The following CACNA2D2 variants were observed in gnomAD, a reference collection of about 807,000 sequenced individuals.
The protein encoded by CACNA2D2 is voltage-dependent calcium channel subunit alpha-2/delta-2.
In CACNA2D2, 48 loss-of-function variants were observed where a neutral mutation model predicts 166.4. The observed-to-expected ratio is 0.29, with a 90% CI of 0.23 to 0.37. CACNA2D2 has a LOEUF of 0.37. CACNA2D2 is among the 10% of genes least tolerant of loss of function. The pLI, the probability that CACNA2D2 is intolerant of heterozygous loss-of-function variation, is 1.00. For synonymous variants in CACNA2D2, 561 were observed against 573.7 expected, an observed-to-expected ratio of 0.98 and a Z score of 0.32; for missense variants, 1,122 against 1,433.0, an observed-to-expected ratio of 0.78 and a Z score of 3.50.
intron 2 of CACNA2D2, among the ~76,000 whole-genome samples, chr3:50,449,238 C>A (rs893357455): frequency 6.6e-6 from 1 of 152,200 alleles, no homozygotes; most frequent in African/African-American, 2.4e-5. Flanking sequence ...CAGCCCCCCA[C>A]CCCTGTGATC....
chr3:50,367,179 C>T lies in CACNA2D2; in HGVS notation c.2402-70G>A, dbSNP rs974275789. 1.2e-5 allele frequency: 15 copies of T among 1,231,032 alleles called. No homozygotes were observed. In the African/African-American group the frequency reaches 1.5e-4, roughly 12 times the overall value. 76.3% of individuals were successfully genotyped at this position (1,231,032 alleles called of 1,614,324 possible). A position where few individuals can be genotyped will look rare whatever the true frequency, so the allele number is the denominator to read the frequency against. On this transcript the variant is annotated intron_variant, in intron 27 of 37. Coordinates refer to ENST00000424201, the MANE Select transcript of CACNA2D2 (RefSeq NM_006030.4). This position sits in a 1 kb window ranked among gnomAD's most constrained non-coding sequence, Gnocchi z 6.5. The stretch of plus-strand genomic sequence containing the variant: ...ACTGACCACTCTATGCTGGGTCCTA[C>T]AAACCCAGCAGTCCAATCCCGGGAT...
Position 50,379,993 on chromosome 3 carries a change from T to C in CACNA2D2, c.868A>G (p.Lys290Glu). The change falls in exon 9 of 38, where the codon AAA becomes GAA. Residue 290 changes from lysine (K) to glutamate (E), a missense_variant. Lys to Glu is a moderately conservative substitution (Grantham distance 56, BLOSUM62 1). Coordinates refer to ENST00000424201, the MANE Select transcript of CACNA2D2 (RefSeq NM_006030.4). The surrounding 1 kb of genome is among the most constrained non-coding windows in gnomAD (Gnocchi z 6.5). ...ACATCCACGATGATGACCATGTCTTTGGGTGACGAGGCCCCCTGGATATAC... is the reference window on the plus strand; with the variant it reads ...ACATCCACGATGATGACCATGTCTTCGGGTGACGAGGCCCCCTGGATATAC... ...PWYIQGASSP[K>E]DMVIIVDVSG... 1 of 1,614,096 alleles carries C rather than the reference T, an allele frequency of 6.2e-7. No individual in the cohort carries two copies. Among genetic ancestry groups the C allele is most frequent in the Non-Finnish European group, 8.5e-7 (1 of 1,180,042 alleles).
Position 50,367,920 on chromosome 3 carries a change from G to T in CACNA2D2, c.2144-18C>A. 2.1e-6 allele frequency: 3 copies of T among 1,435,430 alleles called. No individual in the cohort carries two copies. The highest frequency in any genetic ancestry group is 2.9e-6 in the Non-Finnish European group (3 of 1,028,886). The allele number at this position is 1,435,430 out of a possible 1,614,324, so 88.9% of individuals were successfully genotyped here. ...GTTGTTGCCTGGAACAGGAGGGGAG[G>T]GGTGGGGGTGGGGGCATCTTCTTGC... On this transcript the variant is annotated intron_variant, in intron 24 of 37. Coordinates refer to ENST00000424201, the MANE Select transcript of CACNA2D2 (RefSeq NM_006030.4). This position sits in a 1 kb window ranked among gnomAD's most constrained non-coding sequence, Gnocchi z 6.5.
chr3:50,500,268 G>A (rs1223535700), intron 1 of CACNA2D2, among the ~76,000 whole-genome samples: 2 of 152,290 alleles, frequency 1.3e-5, no homozygotes, highest in East Asian at 3.9e-4. Context: ...CTCAGAGGAA[G>A]GGAGACGCTG....
intron 2 of CACNA2D2, among the ~76,000 whole-genome samples, chr3:50,475,295 A>G (rs773099866): frequency 2.6e-5 from 4 of 152,054 alleles, no homozygotes; most frequent in Non-Finnish European, 4.4e-5. Flanking sequence ...AACCAGCAAC[A>G]GTAGGTTGGC....
chr3:50,375,301 T>A lies in CACNA2D2; in HGVS notation c.1907+343A>T, dbSNP rs1343739508. On this transcript the variant is annotated intron_variant, in intron 21 of 37. Coordinates refer to ENST00000424201, the MANE Select transcript of CACNA2D2 (RefSeq NM_006030.4). This position sits in a 1 kb window ranked among gnomAD's most constrained non-coding sequence, Gnocchi z 4.0. ...GATGCCCCGGCATTTCAGGATGGACTAGCTGTGTGGGGCAGGCAGAGGTCA... is the reference window on the plus strand; with the variant it reads ...GATGCCCCGGCATTTCAGGATGGACAAGCTGTGTGGGGCAGGCAGAGGTCA... 6.6e-6 allele frequency among the ~76,000 whole-genome samples: 1 copy of A among 152,070 alleles called. No homozygotes were observed. Among genetic ancestry groups the A allele is most frequent in the African/African-American group, 2.4e-5 (1 of 41,394 alleles).
chr3:50,485,938 G>A (rs745703055), intron 1 of CACNA2D2, among the ~76,000 whole-genome samples: 1 of 152,148 alleles, frequency 6.6e-6, no homozygotes, highest in Non-Finnish European at 1.5e-5. Flanking sequence ...GTGGATCCAG[G>A]GTTCTCCAGG....
intron 5 of CACNA2D2, among the ~76,000 whole-genome samples, chr3:50,387,340 C>T (rs1160702893): frequency 6.6e-6 from 1 of 152,240 alleles, no homozygotes; most frequent in Non-Finnish European, 1.5e-5. Context: ...CCAAGCGCCT[C>T]ACCACCTGCC....
chr3:50,399,815 T>G (rs1706354472), intron 3 of CACNA2D2, among the ~76,000 whole-genome samples: 1 of 152,258 alleles, frequency 6.6e-6, no homozygotes, highest in South Asian at 2.1e-4. Flanking sequence ...CCTGGCTGGT[T>G]GGACTCAGGT....
At position 50,376,249 on chromosome 3, in the gene CACNA2D2, G is replaced by A. The variant is rs1704985375; in HGVS notation, c.1627-61C>T. On this transcript the variant is annotated intron_variant, in intron 17 of 37. Transcript: ENST00000424201. This position sits in a 1 kb window ranked among gnomAD's most constrained non-coding sequence, Gnocchi z 4.3. ...GATGGGCTGGGGTTCCCTGGGCTCC[G>A]GAGTTCTTCCCTATTTGGCCTCCCA... The A allele has an allele frequency of 7.0e-6, 11 of 1,560,960 alleles. No individual in the cohort carries two copies. Among genetic ancestry groups the A allele is most frequent in the East Asian group, 6.8e-5 (3 of 44,294 alleles).
chr3:50,504,167 C>G (rs1699103296), upstream of CACNA2D2: 1 of 152,258 alleles, frequency 6.6e-6, no homozygotes, highest in Admixed American at 6.5e-5. Context: ...GTTCCCTAAG[C>G]GGAAACCTGG....
chr3:50,484,541 T>C (rs1698194681), intron 1 of CACNA2D2, among the ~76,000 whole-genome samples: 1 of 152,198 alleles, frequency 6.6e-6, no homozygotes. Flanking sequence ...CGGCACATGC[T>C]GTTCCCTCTG....
chr3:50,421,185 C>T (rs1055083036), intron 3 of CACNA2D2, among the ~76,000 whole-genome samples: 8 of 152,246 alleles, frequency 5.3e-5, no homozygotes, highest in Middle Eastern at 3.2e-3. Flanking sequence ...CCATTCCCTC[C>T]TTACCCTTTC....
At chr3:50,413,230 C>T (rs994285240) in intron 3 of CACNA2D2, among the ~76,000 whole-genome samples, 65 of 151,920 alleles carry the variant, frequency 4.3e-4, no homozygotes, top group African/African-American at 1.4e-3. Context: ...GAATCCTGAG[C>T]TGGCCAGGAC....
At chr3:50,406,838 C>T (rs1229307540) in intron 3 of CACNA2D2, among the ~76,000 whole-genome samples, 2 of 151,796 alleles carry the variant, frequency 1.3e-5, no homozygotes, top group Non-Finnish European at 2.9e-5. Context: ...TCACCACTAC[C>T]ACTGTGCTCA....
At position 50,371,735 on chromosome 3, in the gene CACNA2D2, C is replaced by T. The variant is rs587759162; in HGVS notation, c.1985-1355G>A. 2.0e-5 allele frequency among the ~76,000 whole-genome samples: 3 copies of T among 151,386 alleles called. No individual in the cohort carries two copies. The East Asian group carries it at 5.8e-4, about 29-fold the overall frequency. On this transcript the variant is annotated intron_variant, in intron 22 of 37. Coordinates refer to ENST00000424201, the MANE Select transcript of CACNA2D2 (RefSeq NM_006030.4). Reference sequence around the variant, plus strand: ...ATAGGACTGTGAGGCAGGGTTTGGACACAAGCCGATGGGGAAGGGGTTGGG... The same window carrying T: ...ATAGGACTGTGAGGCAGGGTTTGGATACAAGCCGATGGGGAAGGGGTTGGG...
At chr3:50,401,424 G>A in intron 3 of CACNA2D2, among the ~76,000 whole-genome samples, 1 of 152,112 alleles carries the variant, frequency 6.6e-6, no homozygotes, top group East Asian at 1.9e-4. Flanking sequence ...CACCCCCTCA[G>A]TCCAGCCTGG....
At chr3:50,464,487 C>A (rs1202387397) in intron 2 of CACNA2D2, among the ~76,000 whole-genome samples, 1 of 152,138 alleles carries the variant, frequency 6.6e-6, no homozygotes, top group African/African-American at 2.4e-5. Flanking sequence ...AATCTGGTGG[C>A]CCTGTTCAAT....
chr3:50,387,969 G>A (rs1449763738), intron 4 of CACNA2D2, among the ~76,000 whole-genome samples: 3 of 152,212 alleles, frequency 2.0e-5, no homozygotes, highest in African/African-American at 7.2e-5. Flanking sequence ...GAACAGAGCC[G>A]AGTTTGGGCA....
Sources: allele counts gnomAD v4.1 joint callset (sites outside exome capture counted in the v4.1 genomes callset), GRCh38; gene constraint gnomAD v4.1.1; non-coding constraint Gnocchi (gnomAD v3.1); transcripts MANE v1.5; gene names NCBI Gene and HGNC (gene_info 2026-07-23, HGNC 2026-07-21).